The following LIPG variants were observed in gnomAD, a reference collection of about 807,000 sequenced individuals.
LIPG encodes endothelial lipase.
In LIPG, 34 loss-of-function variants were observed where a neutral mutation model predicts 51.8. That is an observed-to-expected ratio of 0.66 (90% CI 0.50 to 0.87). LIPG has a LOEUF of 0.87. Ranked by LOEUF, LIPG falls within the 40% of genes least tolerant of loss-of-function variation. The pLI, the probability that LIPG is intolerant of heterozygous loss-of-function variation, is 0.00. For missense variants in LIPG, 580 were observed against 652.7 expected, an observed-to-expected ratio of 0.89 and a Z score of 1.21; for synonymous variants, 246 against 246.1, an observed-to-expected ratio of 1.00 and a Z score of 0.00.
At chr18:49,564,157 C>G (rs536908342) in intron 1 of LIPG, among the ~76,000 whole-genome samples, 23 of 152,310 alleles carry the variant, frequency 1.5e-4, no homozygotes, top group Admixed American at 1.4e-3. Context: ...GCCCTCTCCA[C>G]CACTATATCT....
intron 8 of LIPG, among the ~76,000 whole-genome samples, chr18:49,584,317 G>A (rs552896572): frequency 6.6e-6 from 1 of 152,174 alleles, no homozygotes; most frequent in South Asian, 2.1e-4. Flanking sequence ...AAGTAACAGA[G>A]AATCCTCTGT....
At chr18:49,590,122 C>T (rs1407367910) in intron 9 of LIPG, 2 of 361,832 alleles carry the variant, frequency 5.5e-6, no homozygotes, top group East Asian at 6.7e-5. Flanking sequence ...ATTTCTAGAT[C>T]AAGGCAAAGA....
At chr18:49,586,260 T>G (rs1303597498) in intron 8 of LIPG, among the ~76,000 whole-genome samples, 1 of 152,218 alleles carries the variant, frequency 6.6e-6, no homozygotes, top group Non-Finnish European at 1.5e-5. Flanking sequence ...CGTTCAAGTT[T>G]ACGGAGAAGT....
Position 49,586,819 on chromosome 18 carries a change from C to T in LIPG, c.1450C>T (p.Arg484Trp), listed in dbSNP as rs896567007. 10 of 1,614,046 alleles carry T rather than the reference C, an allele frequency of 6.2e-6. No homozygotes were observed. Among genetic ancestry groups the T allele is most frequent in the Admixed American group, 1.7e-5 (1 of 60,030 alleles). The change falls in exon 9 of 10, where the codon CGG (arginine) becomes TGG (tryptophan). Residue 484 changes from arginine (R) to tryptophan (W), a missense_variant. Physicochemically the swap from Arg to Trp is moderately radical, Grantham distance 101 (BLOSUM62 -3). Coordinates refer to ENST00000261292, the MANE Select transcript of LIPG (RefSeq NM_006033.4). ...CCGGGAGCTCTGGTTTCGCAAGTGT[C>T]GGGATGGCTGGAGGATGAAAAACGA... ...PGRELWFRKC[R>W]DGWRMKNETS...
chr18:49,578,884 TGCCTGCAATC>T (rs1187826022), intron 5 of LIPG, among the ~76,000 whole-genome samples: 2 of 75,802 alleles, frequency 2.6e-5, no homozygotes, highest in African/African-American at 6.5e-5. Flanking sequence ...TGGTGGCGCG[TGCCTGCAATC>T]GCAGGCACTC....
chr18:49,564,817 A>C (rs1221766257), intron 1 of LIPG, among the ~76,000 whole-genome samples: 9 of 152,232 alleles, frequency 5.9e-5, no homozygotes, highest in Non-Finnish European at 1.3e-4. Flanking sequence ...CTCAAATGTG[A>C]GTGGTTATGT....
intron 5 of LIPG, among the ~76,000 whole-genome samples, chr18:49,575,839 T>TTC: frequency 6.6e-6 from 1 of 151,538 alleles, no homozygotes; most frequent in African/African-American, 2.4e-5. Context: ...TTCTTTTTCT[T>TTC]TCTTTTTTTT....
At chr18:49,581,078 G>T (rs979539070) in intron 5 of LIPG, among the ~76,000 whole-genome samples, 1 of 152,136 alleles carries the variant, frequency 6.6e-6, no homozygotes, top group Admixed American at 6.5e-5. Context: ...GGGCAATGTG[G>T]TGAAACCCTG....
chr18:49,574,413 C>A (rs1032417589), intron 4 of LIPG, among the ~76,000 whole-genome samples: 5 of 152,102 alleles, frequency 3.3e-5, no homozygotes, highest in East Asian at 1.9e-4. Context: ...TCATATCTAC[C>A]CACTAGGAGT....
Position 49,586,847 on chromosome 18 carries a change from C to G in LIPG, c.1478C>G (p.Thr493Ser). The G allele has an allele frequency of 6.2e-7, 1 of 1,611,194 alleles. No individual in the cohort carries two copies. The highest frequency in any genetic ancestry group is 8.5e-7 in the Non-Finnish European group (1 of 1,177,386). The change falls in exon 9 of 10, where the codon ACC (threonine) becomes AGC (serine). Residue 493 changes from threonine (T) to serine (S), a missense_variant. Transcript: ENST00000261292. The part of the protein sequence containing the change: ...CRDGWRMKNE[T>S]SPTVELP The stretch of plus-strand genomic sequence containing the variant: ...GATGGCTGGAGGATGAAAAACGAAA[C>G]CAGGTAACCAGGACTTTCTCACACG...
At chr18:49,575,723 G>A in intron 5 of LIPG, 133 bp downstream of exon 5, 1 of 770,004 alleles carries the variant, frequency 1.3e-6, no homozygotes, top group Non-Finnish European at 2.2e-6. Flanking sequence ...CTCCAATGCT[G>A]TATTTAATAT....
chr18:49,562,159 C>T lies in LIPG; in HGVS notation c.-150C>T. 2 of 1,489,858 alleles carry T rather than the reference C, an allele frequency of 1.3e-6. No individual in the cohort carries two copies. Among genetic ancestry groups the T allele is most frequent in the Non-Finnish European group, 8.9e-7 (1 of 1,125,412 alleles). 92.3% of individuals were successfully genotyped at this position (1,489,858 alleles called of 1,614,324 possible). A position where few individuals can be genotyped will look rare whatever the true frequency, so the allele number is the denominator to read the frequency against. ...CTGCCACCGCCCGGGCTCCGTGCCG[C>T]CAAGTTTTCATTTTCCACCTTCTCT... On this transcript the variant is annotated 5_prime_UTR_variant, in exon 1 of 10. Transcript: ENST00000261292.
At chr18:49,573,888 T>C (rs2084688766) in intron 4 of LIPG, among the ~76,000 whole-genome samples, 1 of 152,170 alleles carries the variant, frequency 6.6e-6, no homozygotes, top group Non-Finnish European at 1.5e-5. Flanking sequence ...TATTGACATT[T>C]GGGGCCAGGT....
At chr18:49,570,023 G>T (rs2084646945) in intron 4 of LIPG, among the ~76,000 whole-genome samples, 1 of 152,174 alleles carries the variant, frequency 6.6e-6, no homozygotes, top group Non-Finnish European at 1.5e-5. Flanking sequence ...TTCCCTTCAG[G>T]TCTCCACCCA....
rs1230041980 is a variant in LIPG, at chr18:49,593,330, C to T, written c.*2808C>T. ...TAAGGCATATTCTTTATTTGACACT[C>T]ATCGTTAGCAGAAGTGGACAGCAAT... On this transcript the variant is annotated 3_prime_UTR_variant, in exon 10 of 10. Coordinates refer to ENST00000261292, the MANE Select transcript of LIPG (RefSeq NM_006033.4). 6.6e-6 allele frequency: 1 copy of T among 152,164 alleles called. No homozygotes were observed. The highest frequency in any genetic ancestry group is 1.9e-4 in the East Asian group (1 of 5,202). The allele number at this position is 152,164 out of a possible 1,614,324, so 9.4% of individuals were successfully genotyped here.
Position 49,565,333 on chromosome 18 carries a change from C to G in LIPG, c.114C>G (p.Pro38=). The G allele has an allele frequency of 1.9e-6, 3 of 1,614,086 alleles. No individual in the cohort carries two copies. Among genetic ancestry groups the G allele is most frequent in the Non-Finnish European group, 2.5e-6 (3 of 1,180,028 alleles). ...TCTCCCCAGATAAGCTCCACAAACC[C>G]AAAGCTACACAGACTGAGGTCAAAC... ...EGRLEDKLHK[P]KATQTEVKPS... is the part of the protein sequence containing the mutation. Residue 38 remains proline, a synonymous_variant, in exon 2 of 10, where the codon CCC becomes CCG. Transcript: ENST00000261292.
In LIPG at chr18:49,579,007, AGG is replaced by A. The variant is rs1230602314; in HGVS notation, c.794-2406_794-2405del. Among the ~76,000 whole-genome samples, 16 of 596 alleles carry A rather than the reference AGG, an allele frequency of 0.027. No individual in the cohort carries two copies. In the South Asian group the frequency reaches 0.4, roughly 15 times the overall value. 0.4% of individuals were successfully genotyped at this position (596 alleles called of 152,430 possible). A position where few individuals can be genotyped will look rare whatever the true frequency, so the allele number is the denominator to read the frequency against. On this transcript the variant is annotated intron_variant, in intron 5 of 9. Coordinates refer to ENST00000261292, the MANE Select transcript of LIPG (RefSeq NM_006033.4). ...CACATGAGAGGGAGACCGTGGGGAG[AGG>A]GAGAGGGAGAGGGAGAGGGAGAGGG...
chr18:49,564,348 G>T (rs545264144), intron 1 of LIPG, among the ~76,000 whole-genome samples: 1 of 152,298 alleles, frequency 6.6e-6, no homozygotes, highest in Non-Finnish European at 1.5e-5. Flanking sequence ...GTCCATTTAT[G>T]ACTTTCTGAA....
chr18:49,580,887 T>A (rs2143965896), intron 5 of LIPG, among the ~76,000 whole-genome samples: 1 of 152,194 alleles, frequency 6.6e-6, no homozygotes, highest in East Asian at 1.9e-4. Flanking sequence ...ATCAAGAGAG[T>A]GAACAGTTAG....
Sources: allele counts gnomAD v4.1 joint callset (sites outside exome capture counted in the v4.1 genomes callset), GRCh38; gene constraint gnomAD v4.1.1; transcripts MANE v1.5; gene names NCBI Gene and HGNC (gene_info 2026-07-23, HGNC 2026-07-21).